Variants in GPC6 observed in about 807,000 individuals in gnomAD.
GPC6 encodes the protein glypican 6.
In GPC6, 14 loss-of-function variants were observed where a neutral mutation model predicts 55.2. The ratio of observed to expected loss-of-function variants is 0.25; its 90% CI spans 0.17 to 0.40. GPC6 has a LOEUF of 0.40. Ranked by LOEUF, GPC6 falls within the 10% of genes least tolerant of loss-of-function variation. GPC6 has a pLI of 1.00. For missense variants in GPC6, 641 were observed against 708.5 expected, an observed-to-expected ratio of 0.90 and a Z score of 1.08; for synonymous variants, 278 against 259.6, an observed-to-expected ratio of 1.07 and a Z score of -0.68.
intron 3 of GPC6, among the ~76,000 whole-genome samples, chr13:94,025,157 C>G (rs1882846598): frequency 6.6e-6 from 1 of 152,110 alleles, no homozygotes; most frequent in Non-Finnish European, 1.5e-5. Context: ...GGTGAGATAA[C>G]CAAAACCCAA....
intron 4 of GPC6, among the ~76,000 whole-genome samples, chr13:94,038,374 A>G (rs1014922625): frequency 6.6e-6 from 1 of 151,918 alleles, no homozygotes; most frequent in Non-Finnish European, 1.5e-5. Context: ...GACTAGGCAC[A>G]TACATGGTAA....
intron 4 of GPC6, among the ~76,000 whole-genome samples, chr13:94,237,736 G>A (rs770685549): frequency 3.3e-4 from 51 of 152,248 alleles, no homozygotes; most frequent in Non-Finnish European, 6.3e-4. Flanking sequence ...AAACGTAGGT[G>A]GGCTGGATCG....
intron 1 of GPC6, among the ~76,000 whole-genome samples, chr13:93,468,176 T>G (rs2139324194): frequency 6.6e-6 from 1 of 152,306 alleles, no homozygotes; most frequent in Admixed American, 6.5e-5. Flanking sequence ...AAGTAAAATT[T>G]TTCATTTTAT....
intron 1 of GPC6, among the ~76,000 whole-genome samples, chr13:93,528,945 T>C (rs1881758651): frequency 1.3e-5 from 2 of 152,154 alleles, no homozygotes; most frequent in Admixed American, 1.3e-4. Context: ...AGGCTATTTA[T>C]GGGTTCATAA....
At chr13:93,289,776 A>T (rs148079844) in intron 1 of GPC6, among the ~76,000 whole-genome samples, 2 of 152,178 alleles carry the variant, frequency 1.3e-5, no homozygotes, top group African/African-American at 2.4e-5. Context: ...TGTTTATTGT[A>T]TACAGCTGTC....
chr13:94,324,327 A>C (rs55735327), intron 6 of GPC6, among the ~76,000 whole-genome samples: 4,516 of 151,832 alleles, frequency 0.03, 203 homozygotes, highest in African/African-American at 0.1. Flanking sequence ...AAAAAAAAAA[A>C]AAACTCAAGC....
chr13:93,776,040 T>C (rs1353584112), intron 2 of GPC6, among the ~76,000 whole-genome samples: 1 of 149,024 alleles, frequency 6.7e-6, no homozygotes, highest in African/African-American at 2.5e-5. Context: ...TTTTTTTCCG[T>C]CTTTTTTTCT....
intron 2 of GPC6, among the ~76,000 whole-genome samples, chr13:93,623,455 CTTTTTT>C (rs567830011): frequency 6.0e-5 from 7 of 116,168 alleles, no homozygotes; most frequent in African/African-American, 2.1e-4. Context: ...CTTTTCTTTT[CTTTTTT>C]TTTTTTTTTT....
At chr13:93,473,979 C>T (rs1466974137) in intron 1 of GPC6, among the ~76,000 whole-genome samples, 1 of 152,216 alleles carries the variant, frequency 6.6e-6, no homozygotes, top group South Asian at 2.1e-4. Flanking sequence ...GCTGCTTCTT[C>T]AGTTCCCCCT....
Position 94,401,511 on chromosome 13 carries a change from C to T in GPC6, c.1466-1504C>T, listed in dbSNP as rs893154195. Among the ~76,000 whole-genome samples, 65 of 152,186 alleles carry T rather than the reference C, an allele frequency of 4.3e-4. 1 individual carries two copies. Among genetic ancestry groups the T allele is most frequent in the Admixed American group, 3.8e-3 (58 of 15,296 alleles). On this transcript the variant is annotated intron_variant, in intron 8 of 8. Transcript: ENST00000377047. The stretch of plus-strand genomic sequence containing the variant: ...CGATGCTACCCTGGGTCGACATACT[C>T]TGTGGGTACCAAGGCCTTGGTTTCA...
intron 3 of GPC6, among the ~76,000 whole-genome samples, chr13:93,937,670 C>T (rs1411388749): frequency 6.6e-6 from 1 of 152,100 alleles, no homozygotes; most frequent in Non-Finnish European, 1.5e-5. Flanking sequence ...CCTCTGCCTC[C>T]CGGATTCAAG....
chr13:93,640,639 A>G (rs936302819), intron 2 of GPC6, among the ~76,000 whole-genome samples: 1 of 151,968 alleles, frequency 6.6e-6, no homozygotes, highest in Non-Finnish European at 1.5e-5. Flanking sequence ...AAAAGATAGA[A>G]TAAAAGCAGC....
intron 4 of GPC6, among the ~76,000 whole-genome samples, chr13:94,251,208 A>G (rs1384890840): frequency 6.6e-6 from 1 of 152,064 alleles, no homozygotes; most frequent in Admixed American, 6.6e-5. Context: ...ACACAGGAAC[A>G]GAAAACCAAA....
intron 3 of GPC6, among the ~76,000 whole-genome samples, chr13:94,015,286 G>A (rs2138704296): frequency 6.6e-6 from 1 of 152,238 alleles, no homozygotes; most frequent in Middle Eastern, 3.4e-3. Flanking sequence ...AATTAATGAT[G>A]TTGAGCATGT....
chr13:93,716,976 G>T (rs1594396313), intron 2 of GPC6, among the ~76,000 whole-genome samples: 1 of 151,630 alleles, frequency 6.6e-6, no homozygotes, highest in East Asian at 1.9e-4. Context: ...GTAAAATGCT[G>T]TACAGGTTTT....
At chr13:93,868,188 T>C (rs1215694803) in intron 3 of GPC6, among the ~76,000 whole-genome samples, 1 of 151,758 alleles carries the variant, frequency 6.6e-6, no homozygotes, top group East Asian at 2.0e-4. Context: ...CCGCTTGTCA[T>C]ATTCATAAAC....
intron 1 of GPC6, among the ~76,000 whole-genome samples, chr13:93,513,962 CT>C (rs2139389094): frequency 6.6e-6 from 1 of 151,096 alleles, no homozygotes; most frequent in Non-Finnish European, 1.5e-5. Context: ...CAACCTCCAC[CT>C]CCCAGGTTGA....
At chr13:93,617,019 T>C (rs1226814391) in intron 2 of GPC6, among the ~76,000 whole-genome samples, 1 of 152,090 alleles carries the variant, frequency 6.6e-6, no homozygotes, top group Non-Finnish European at 1.5e-5. Context: ...AAAAACATTG[T>C]AATAATCTTA....
chr13:94,063,080 G>A lies in GPC6; in HGVS notation c.877+35186G>A, dbSNP rs149866758. ...GGTGGCCGACCTGTTTGTTTTCAGT[G>A]GTGTAATTGGTCACTCCAGAGATGA... is the stretch of plus-strand genomic sequence containing the variant. On this transcript the variant is annotated intron_variant, in intron 4 of 8. Coordinates refer to ENST00000377047, the MANE Select transcript of GPC6 (RefSeq NM_005708.5). Among the ~76,000 whole-genome samples the A allele has an allele frequency of 1.8e-3, 281 of 152,276 alleles. 2 individuals are homozygous for A. Among genetic ancestry groups the A allele is most frequent in the African/African-American group, 6.7e-3 (277 of 41,550 alleles).
Sources: allele counts gnomAD v4.1 joint callset (sites outside exome capture counted in the v4.1 genomes callset), GRCh38; gene constraint gnomAD v4.1.1; transcripts MANE v1.5; gene names NCBI Gene and HGNC (gene_info 2026-07-23, HGNC 2026-07-21).